AKAP6: variants seen among roughly 807,000 people sequenced by gnomAD.
The protein encoded by AKAP6 is A-kinase anchor protein 6.
AKAP6 carries 58 observed loss-of-function variants against 188.5 expected under a neutral mutation model. That is an observed-to-expected ratio of 0.31 (90% CI 0.25 to 0.38). The LOEUF (loss-of-function observed/expected upper bound fraction) is 0.38. AKAP6 is among the 10% of genes least tolerant of loss of function. The probability of loss-of-function intolerance (pLI) is 1.00; values close to 1 mark genes in which losing one functional copy is unlikely to be tolerated. For missense variants in AKAP6, 2,710 were observed against 2,740.0 expected (o/e 0.99, Z 0.24); for synonymous variants, 989 against 998.6 (o/e 0.99, Z 0.18).
chr14:32,829,662 CTTTT>C (rs1013608387), intron 13 of AKAP6, among the ~76,000 whole-genome samples, 182 bp from the exon 14 acceptor site: 1 of 151,256 alleles, frequency 6.6e-6, no homozygotes, highest in Non-Finnish European at 1.5e-5. Context: ...TACGCTGAGA[CTTTT>C]TTTGTCAGTA....
intron 2 of AKAP6, among the ~76,000 whole-genome samples, chr14:32,531,899 A>G (rs1882436059): frequency 6.6e-6 from 1 of 152,198 alleles, no homozygotes; most frequent in African/African-American, 2.4e-5. Flanking sequence ...AGGACCACTT[A>G]CCCATGATCA....
intron 1 of AKAP6, among the ~76,000 whole-genome samples, chr14:32,386,914 G>C (rs1248229075): frequency 1.3e-5 from 2 of 152,216 alleles, no homozygotes; most frequent in Non-Finnish European, 2.9e-5. Context: ...TCAGTTGGCT[G>C]TAAGTATTTG....
chr14:32,617,438 T>G (rs1006282837), intron 7 of AKAP6, among the ~76,000 whole-genome samples: 1 of 152,184 alleles, frequency 6.6e-6, no homozygotes, highest in Non-Finnish European at 1.5e-5. Flanking sequence ...GTCTTTGAAT[T>G]TTGTATTAAA....
At chr14:32,417,228 T>A (rs1461992565) in intron 1 of AKAP6, among the ~76,000 whole-genome samples, 1 of 152,226 alleles carries the variant, frequency 6.6e-6, no homozygotes, top group Non-Finnish European at 1.5e-5. Context: ...AAGAGAAATA[T>A]TCTAAATCTT....
intron 12 of AKAP6, among the ~76,000 whole-genome samples, chr14:32,808,371 A>G (rs924125913): frequency 3.3e-5 from 5 of 151,932 alleles, no homozygotes; most frequent in African/African-American, 9.7e-5. Context: ...TGCCTACTCC[A>G]CCTCCTAACC....
intron 12 of AKAP6, among the ~76,000 whole-genome samples, chr14:32,787,625 A>C (rs1218568902): frequency 6.6e-6 from 1 of 152,210 alleles, no homozygotes; most frequent in Non-Finnish European, 1.5e-5. Context: ...AACCTCCTGT[A>C]AAATTTTAGT....
At chr14:32,678,075 G>A (rs1889508337) in intron 7 of AKAP6, among the ~76,000 whole-genome samples, 1 of 152,162 alleles carries the variant, frequency 6.6e-6, no homozygotes, top group African/African-American at 2.4e-5. Context: ...GATATTTTGT[G>A]ATATTTACAG....
At chr14:32,585,886 G>A (rs1239815742) in intron 5 of AKAP6, among the ~76,000 whole-genome samples, 4 of 152,140 alleles carry the variant, frequency 2.6e-5, no homozygotes, top group African/African-American at 9.7e-5. Flanking sequence ...GTGTAGCTGA[G>A]ACTAGATTGG....
intron 2 of AKAP6, among the ~76,000 whole-genome samples, chr14:32,506,508 C>T (rs1237220840): frequency 6.6e-6 from 1 of 152,056 alleles, no homozygotes; most frequent in Non-Finnish European, 1.5e-5. Flanking sequence ...TCTTTGTAGT[C>T]TTTTATTTTC....
At chr14:32,341,067 A>G (rs1886873366) in intron 1 of AKAP6, among the ~76,000 whole-genome samples, 1 of 152,236 alleles carries the variant, frequency 6.6e-6, no homozygotes, top group African/African-American at 2.4e-5. Flanking sequence ...CTTATATTTC[A>G]TAATACTTTT....
chr14:32,339,002 G>T (rs909915701), intron 1 of AKAP6, among the ~76,000 whole-genome samples: 3 of 152,190 alleles, frequency 2.0e-5, no homozygotes, highest in African/African-American at 7.2e-5. Context: ...ACTGTGTCAA[G>T]CATATATATT....
chr14:32,813,206 A>G (rs2034283883), intron 12 of AKAP6, among the ~76,000 whole-genome samples: 1 of 152,154 alleles, frequency 6.6e-6, no homozygotes, highest in South Asian at 2.1e-4. Context: ...TTACCAGTTT[A>G]TTTAAAGATA....
chr14:32,716,285 A>G (rs2030195068), intron 9 of AKAP6, among the ~76,000 whole-genome samples: 2 of 151,908 alleles, frequency 1.3e-5, no homozygotes, highest in Non-Finnish European at 2.9e-5. Context: ...AGTAGTATTA[A>G]TAGGTAATAT....
At chr14:32,706,501 A>G (rs963317872) in intron 9 of AKAP6, among the ~76,000 whole-genome samples, 3 of 151,984 alleles carry the variant, frequency 2.0e-5, no homozygotes, top group African/African-American at 7.3e-5. Context: ...AGATGATTCA[A>G]CCTCCTGGAT....
intron 13 of AKAP6, among the ~76,000 whole-genome samples, chr14:32,828,569 ACACT>A: frequency 6.8e-6 from 1 of 146,704 alleles, no homozygotes; most frequent in Non-Finnish European, 1.5e-5. Context: ...ACACACACAC[ACACT>A]CTCACACCCC....
In AKAP6 at chr14:32,535,763, G is replaced by A; in HGVS notation, c.534G>A (p.Arg178=). 1 of 1,613,960 alleles carries A rather than the reference G, an allele frequency of 6.2e-7. No individual in the cohort carries two copies. Among genetic ancestry groups the A allele is most frequent in the South Asian group, 1.1e-5 (1 of 91,068 alleles). The change falls in exon 3 of 14, where the codon AGG becomes AGA. Residue 178 remains arginine, a synonymous_variant. Transcript: ENST00000280979. ...GLQDANGNYT[R]QTDILQAFSE... is the part of the protein sequence containing the mutation. ...AGGACGCCAATGGCAACTACACTAG[G>A]CAGACGGACATTCTGCAAGCTTTCT...
Position 32,722,031 on chromosome 14 carries a change from T to A in AKAP6, c.3001-10423T>A, listed in dbSNP as rs370573342. Among the ~76,000 whole-genome samples, 38 of 152,332 alleles carry A rather than the reference T, an allele frequency of 2.5e-4. 2 individuals are homozygous for A. In the South Asian group the frequency reaches 7.3e-3, roughly 29 times the overall value. ...AAGCTTCAGCATTTGACCCCCAGTC[T>A]GACCTCTGAGGTCAGATGGAACAAA... On this transcript the variant is annotated intron_variant, in intron 9 of 13. Transcript: ENST00000280979.
chr14:32,473,573 G>C (rs1878893726), intron 2 of AKAP6, among the ~76,000 whole-genome samples: 1 of 152,176 alleles, frequency 6.6e-6, no homozygotes, highest in South Asian at 2.1e-4. Context: ...AATTAGTGGG[G>C]TGAGGTGCTT....
rs201418196 is a variant in AKAP6, at chr14:32,546,787, A to G, written c.2134A>G (p.Ile712Val). ...SDIASSLGES[I>V]ESGPLSDILS... ...CATAGCCTCTTCACTAGGGGAGAGC[A>G]TTGAATCTGGGCCCCTGAGTGACAT... The change falls in exon 4 of 14, where the codon ATT becomes GTT. Residue 712 changes from isoleucine to valine, a missense_variant. Physicochemically the swap from Ile to Val is conservative, Grantham distance 29. Coordinates refer to ENST00000280979, the MANE Select transcript of AKAP6 (RefSeq NM_004274.5). The G allele has an allele frequency of 1.6e-5, 26 of 1,614,000 alleles. No homozygotes were observed. The highest frequency in any genetic ancestry group is 2.2e-5 in the East Asian group (1 of 44,884).
Sources: gnomAD v4.1 joint callset for allele counts (sites outside exome capture counted in the v4.1 genomes callset) on GRCh38, gnomAD v4.1.1 for gene constraint, MANE v1.5 for transcripts, NCBI Gene and HGNC (gene_info 2026-07-23, HGNC 2026-07-21) for gene names.